Variants in KLF12 observed in about 807,000 individuals in gnomAD.
KLF12 encodes the protein Krueppel-like factor 12.
KLF12 carries 9 observed loss-of-function variants against 37.8 expected under a neutral mutation model. The observed-to-expected ratio is 0.24, with a 90% confidence interval of 0.14 to 0.42. The LOEUF is 0.42. KLF12 is among the 10% of genes least tolerant of loss of function. KLF12 has a pLI of 1.00. For synonymous variants in KLF12, 208 were observed against 202.1 expected, an observed-to-expected ratio of 1.03 and a Z score of -0.25; for missense variants, 411 against 516.0, an observed-to-expected ratio of 0.80 and a Z score of 1.97.
intron 2 of KLF12, among the ~76,000 whole-genome samples, chr13:73,973,002 A>T (rs1891391330): frequency 6.6e-6 from 1 of 152,122 alleles, no homozygotes; most frequent in Admixed American, 6.6e-5. Context: ...TGAGGGGATA[A>T]TTTTAAATGA....
intron 1 of KLF12, among the ~76,000 whole-genome samples, chr13:74,124,472 A>AT (rs943782148): frequency 1.3e-5 from 2 of 152,184 alleles, no homozygotes; most frequent in African/African-American, 4.8e-5. Context: ...TATTTAAAAG[A>AT]TTTTTTTGTC....
At chr13:74,094,542 G>A (rs1057182669) in intron 1 of KLF12, among the ~76,000 whole-genome samples, 1 of 151,846 alleles carries the variant, frequency 6.6e-6, no homozygotes, top group Non-Finnish European at 1.5e-5. Context: ...CACAATGCCT[G>A]GCACATAGGA....
intron 3 of KLF12, among the ~76,000 whole-genome samples, chr13:73,892,546 AC>A (rs1349367362): frequency 3.3e-5 from 5 of 152,200 alleles, no homozygotes; most frequent in African/African-American, 1.2e-4. Context: ...AAACAAACAA[AC>A]AAAAAACAGT....
intron 7 of KLF12, among the ~76,000 whole-genome samples, chr13:73,701,949 C>T (rs1472291129): frequency 6.6e-6 from 1 of 152,032 alleles, no homozygotes; most frequent in Non-Finnish European, 1.5e-5. Context: ...TTAACCAACA[C>T]TAATAAGAAG....
Position 73,695,364 on chromosome 13 carries a change from C to G in KLF12, c.*126G>C. On this transcript the variant is annotated 3_prime_UTR_variant, in exon 8 of 8. Coordinates refer to ENST00000377669, the MANE Select transcript of KLF12 (RefSeq NM_007249.5). ...AGAAGTGTGCCTTCTTTTTCCTGCT[C>G]TGGTTTCAGACATCGTGGGATGGTG... 1 of 902,958 alleles carries G rather than the reference C, an allele frequency of 1.1e-6. No homozygotes were observed. Among genetic ancestry groups the G allele is most frequent in the Non-Finnish European group, 1.7e-6 (1 of 595,572 alleles). The allele number at this position is 902,958 out of a possible 1,614,324, so 55.9% of individuals were successfully genotyped here. A position where few individuals can be genotyped will look rare whatever the true frequency, so the allele number is the denominator to read the frequency against.
chr13:73,913,935 T>A (rs865789278), intron 3 of KLF12, among the ~76,000 whole-genome samples: 62 of 152,308 alleles, frequency 4.1e-4, no homozygotes, highest in East Asian at 1.7e-3. Flanking sequence ...AAGTTTTTTT[T>A]AAAAAGGAGG....
chr13:73,733,757 C>T (rs952376868), intron 6 of KLF12, among the ~76,000 whole-genome samples: 1 of 152,130 alleles, frequency 6.6e-6, no homozygotes, highest in Non-Finnish European at 1.5e-5. Context: ...ATGGCTGCTG[C>T]ACCCTTTTAC....
intron 3 of KLF12, among the ~76,000 whole-genome samples, chr13:73,940,413 G>C (rs1045850633): frequency 1.3e-5 from 2 of 152,048 alleles, no homozygotes; most frequent in Admixed American, 6.6e-5. Context: ...AACTAAAAAT[G>C]CAAGAGTCAG....
chr13:74,017,581 A>T (rs370404207), intron 1 of KLF12, among the ~76,000 whole-genome samples: 1 of 146,026 alleles, frequency 6.8e-6, no homozygotes. Flanking sequence ...CCAAAAAAAA[A>T]CCTTTTTAAG....
At chr13:74,115,663 C>A (rs945049320) in intron 1 of KLF12, among the ~76,000 whole-genome samples, 25 of 150,432 alleles carry the variant, frequency 1.7e-4, no homozygotes, top group African/African-American at 6.1e-4. Context: ...CAAGATCATG[C>A]CACTGTACTC....
At chr13:74,013,839 TTTC>T (rs1470772308) in intron 1 of KLF12, among the ~76,000 whole-genome samples, 14 of 151,928 alleles carry the variant, frequency 9.2e-5, no homozygotes, top group Non-Finnish European at 1.6e-4. Context: ...ATTAGGCTAC[TTTC>T]TTCTTCTTTT....
chr13:73,864,316 T>C (rs1032096047), intron 3 of KLF12, among the ~76,000 whole-genome samples: 4 of 152,282 alleles, frequency 2.6e-5, no homozygotes, highest in African/African-American at 9.6e-5. Context: ...AGTTGTACTT[T>C]ACCAGTGAGT....
At chr13:74,267,968 T>C in the KLF12 span, among the ~76,000 whole-genome samples, 1 of 152,276 alleles carries the variant, frequency 6.6e-6, no homozygotes, top group East Asian at 1.9e-4. Context: ...AGCCAAAGGA[T>C]ACCTGGGGTC....
intron 1 of KLF12, among the ~76,000 whole-genome samples, chr13:74,069,726 T>C (rs1266855286): frequency 2.0e-5 from 3 of 151,780 alleles, no homozygotes; most frequent in Non-Finnish European, 4.4e-5. Context: ...AATAGTCCAA[T>C]AAAAAAATAG....
At chr13:74,125,166 T>TACACAC (rs374663142) in intron 1 of KLF12, among the ~76,000 whole-genome samples, 5 of 138,804 alleles carry the variant, frequency 3.6e-5, no homozygotes, top group African/African-American at 7.9e-5. Context: ...TATATATATA[T>TACACAC]ACACACACAC....
chr13:73,871,503 A>C (rs1199749698), intron 3 of KLF12, among the ~76,000 whole-genome samples: 1 of 152,202 alleles, frequency 6.6e-6, no homozygotes, highest in African/African-American at 2.4e-5. Context: ...ATGCAGGATA[A>C]GTCATCACCA....
intron 3 of KLF12, among the ~76,000 whole-genome samples, chr13:73,892,304 T>C (rs1049802006): frequency 6.6e-6 from 1 of 152,118 alleles, no homozygotes; most frequent in Non-Finnish European, 1.5e-5. Flanking sequence ...GTGATCTCAC[T>C]TTTTTAGGAT....
the KLF12 span, among the ~76,000 whole-genome samples, chr13:74,229,484 A>T: frequency 6.6e-6 from 1 of 152,118 alleles, no homozygotes; most frequent in Non-Finnish European, 1.5e-5. Flanking sequence ...AAAGTAAGGA[A>T]GCTCTGGTGA....
At chr13:74,235,673 A>G in the KLF12 span, among the ~76,000 whole-genome samples, 2 of 152,196 alleles carry the variant, frequency 1.3e-5, no homozygotes, top group African/African-American at 4.8e-5. Flanking sequence ...AATTATCAAA[A>G]GCTATACTTT....
Sources: gnomAD v4.1 joint callset for allele counts (sites outside exome capture counted in the v4.1 genomes callset) on GRCh38, gnomAD v4.1.1 for gene constraint, MANE v1.5 for transcripts, NCBI Gene and HGNC (gene_info 2026-07-23, HGNC 2026-07-21) for gene names.